The following IL31RA variants were observed in gnomAD, a reference collection of about 807,000 sequenced individuals.
The protein encoded by IL31RA is interleukin 31 receptor A, also known as interleukin-31 receptor subunit alpha.
A neutral mutation model predicts 83.7 loss-of-function variants in IL31RA; 66 were observed. The ratio of observed to expected loss-of-function variants is 0.79; its 90% CI spans 0.65 to 0.97. IL31RA has a LOEUF of 0.97. IL31RA is among the 50% of genes least tolerant of loss of function. The pLI is 0.00. For missense variants in IL31RA, 798 were observed against 919.4 expected (o/e 0.87, Z 1.71); for synonymous variants, 325 against 329.0 (o/e 0.99, Z 0.13).
At chr5:55,853,421 T>C in intron 1 of IL31RA, 1 of 1,476,824 alleles carries the variant, frequency 6.8e-7, no homozygotes, top group Non-Finnish European at 9.0e-7. Context: ...ACAATCAGAG[T>C]GGAAACACTC....
In IL31RA at chr5:55,853,446, G is replaced by C. The variant is rs1199237820; in HGVS notation, c.63+1813G>C. The C allele has an allele frequency of 5.9e-6, 9 of 1,538,366 alleles. No homozygotes were observed. In the Admixed American group the frequency reaches 8.0e-5, roughly 14 times the overall value. The stretch of plus-strand genomic sequence containing the variant: ...TGGAAACACTCCCACATCTTAGTGT[G>C]GATAAATTAAAGTCCAGATTGTTCT... On this transcript the variant is annotated intron_variant, in intron 1 of 14. Transcript: ENST00000652347.
chr5:55,875,779 A>G (rs1405175168), intron 4 of IL31RA, among the ~76,000 whole-genome samples: 1 of 152,194 alleles, frequency 6.6e-6, no homozygotes, highest in Non-Finnish European at 1.5e-5. Context: ...TTTCAACTAG[A>G]TTTAGTATCT....
chr5:55,914,654 G>A (rs1247505360), intron 13 of IL31RA, among the ~76,000 whole-genome samples, 193 bp from the exon 14 acceptor site: 1 of 152,096 alleles, frequency 6.6e-6, no homozygotes, highest in Non-Finnish European at 1.5e-5. Context: ...ATCCCACAGA[G>A]AACTTGCAAT....
At chr5:55,850,816 C>T (rs1011674007), upstream of IL31RA, among the ~76,000 whole-genome samples, 10 of 152,202 alleles carry the variant, frequency 6.6e-5, 1 homozygote, top group Admixed American at 1.3e-4. Context: ...TACTGCTGAG[C>T]GTGGTGGCTC....
In IL31RA at chr5:55,883,089, G is replaced by A. The variant is rs369542944; in HGVS notation, c.500G>A (p.Gly167Asp). 2 of 1,613,956 alleles carry A rather than the reference G, an allele frequency of 1.2e-6. No individual in the cohort carries two copies. The highest frequency in any genetic ancestry group is 1.7e-6 in the Non-Finnish European group (2 of 1,179,912). Residue 167 changes from glycine to aspartate, a missense_variant, in exon 5 of 15, where the codon GGC becomes GAC. Gly to Asp is a moderately conservative substitution (Grantham distance 94, BLOSUM62 -1). Coordinates refer to ENST00000652347, the MANE Select transcript of IL31RA (RefSeq NM_139017.7). ...ATTTTCCGTGTGAAACCAGTTTTGG[G>A]CATCAAACGAATGATTCAAATTGAA... ...PKIFRVKPVL[G>D]IKRMIQIEWI...
chr5:55,915,936 T>C (rs1306717894), intron 14 of IL31RA, among the ~76,000 whole-genome samples: 1 of 152,228 alleles, frequency 6.6e-6, no homozygotes, highest in Non-Finnish European at 1.5e-5. Flanking sequence ...ATGAGGCCAC[T>C]TCTGATTTTC....
At chr5:55,859,485 A>G in intron 1 of IL31RA, 24 bp from the exon 2 acceptor site, 1 of 1,571,556 alleles carries the variant, frequency 6.4e-7, no homozygotes, top group Non-Finnish European at 8.8e-7. Context: ...AAGCAAACCA[A>G]CTCTTGACTG....
intron 4 of IL31RA, 45 bp downstream of exon 4, chr5:55,872,496 A>ACGT (rs758808058): frequency 1.7e-6 from 2 of 1,193,882 alleles, no homozygotes; most frequent in South Asian, 2.6e-5. Context: ...TTAAATGTTT[A>ACGT]CCTCCTTCTC....
At chr5:55,891,634 C>T (rs1048848379) in intron 6 of IL31RA, among the ~76,000 whole-genome samples, 1 of 152,098 alleles carries the variant, frequency 6.6e-6, no homozygotes, top group Non-Finnish European at 1.5e-5. Context: ...CTTTTGTGAT[C>T]ACAGTTAGGA....
In IL31RA at chr5:55,867,239, GTGTGTT is replaced by G. The variant is rs1337323701; in HGVS notation, c.155-1546_155-1541del. On this transcript the variant is annotated intron_variant, in intron 2 of 14. Coordinates refer to ENST00000652347, the MANE Select transcript of IL31RA (RefSeq NM_139017.7). ...TGTGTGTTTGTGTGTGTGTTTGTGT[GTGTGTT>G]TGTGTGTGCGTGTGTTTGTGTGCGT... Among the ~76,000 whole-genome samples, 25 of 115,860 alleles carry G rather than the reference GTGTGTT, an allele frequency of 2.2e-4. 1 individual carries two copies. The highest frequency in any genetic ancestry group is 8.3e-4 in the African/African-American group (21 of 25,340). 76.0% of individuals were successfully genotyped at this position (115,860 alleles called of 152,430 possible).
intron 3 of IL31RA, among the ~76,000 whole-genome samples, chr5:55,869,355 A>G (rs545927055): frequency 1.3e-5 from 2 of 152,250 alleles, no homozygotes; most frequent in Middle Eastern, 3.4e-3. Context: ...ATGATTCCCC[A>G]ATTTTTTTTA....
At chr5:55,883,657 T>G (rs554993872) in intron 5 of IL31RA, among the ~76,000 whole-genome samples, 40 of 152,224 alleles carry the variant, frequency 2.6e-4, no homozygotes, top group Non-Finnish European at 5.0e-4. Flanking sequence ...TTCTCCAGGA[T>G]GCCAGAGCCC....
Position 55,918,140 on chromosome 5 carries a change from A to G in IL31RA, c.*1020A>G, listed in dbSNP as rs1217389857. 2.0e-5 allele frequency among the ~76,000 whole-genome samples: 3 copies of G among 152,176 alleles called. No homozygotes were observed. The highest frequency in any genetic ancestry group is 7.2e-5 in the African/African-American group (3 of 41,454). On this transcript the variant is annotated 3_prime_UTR_variant, in exon 15 of 15. Transcript: ENST00000652347. The stretch of plus-strand genomic sequence containing the variant: ...GTGGATTGCTGGCTTCAGCACTGAG[A>G]TAGTACTGGGCTCCTCCTGTAACTA...
At position 55,899,980 on chromosome 5, in the gene IL31RA, GC is replaced by G. The variant is rs746084009; in HGVS notation, c.918del (p.Ser306ArgfsTer9). On this transcript the variant is annotated frameshift_variant, in exon 8 of 15. Coordinates refer to ENST00000652347, the MANE Select transcript of IL31RA (RefSeq NM_139017.7). LOFTEE classifies it high-confidence loss of function. ...TACAACATATGGTACTATCCAGAAA[GC>G]AACACTAACCTCACAGAAACAATGA... ...LGYNIWYYPE[S>X]NTNLTETMNT... 2.2e-5 allele frequency: 35 copies of G among 1,614,028 alleles called. No homozygotes were observed. Among genetic ancestry groups the G allele is most frequent in the Non-Finnish European group, 3.0e-5 (35 of 1,180,010 alleles).
chr5:55,917,261 A>G lies in IL31RA; in HGVS notation c.*141A>G. 1 of 1,572,178 alleles carries G rather than the reference A, an allele frequency of 6.4e-7. No homozygotes were observed. Among genetic ancestry groups the G allele is most frequent in the East Asian group, 2.3e-5 (1 of 44,226 alleles). ...AGTTTCCCCTGCCCCTTGAGCTGCC[A>G]GTTGAACTTGGTCGGCAAAGATGCG... On this transcript the variant is annotated 3_prime_UTR_variant, in exon 15 of 15. Coordinates refer to ENST00000652347, the MANE Select transcript of IL31RA (RefSeq NM_139017.7).
Position 55,896,519 on chromosome 5 carries a change from C to T in IL31RA, c.852+90C>T. 5.1e-6 allele frequency: 4 copies of T among 790,754 alleles called. No homozygotes were observed. In the East Asian group the frequency reaches 8.0e-5, roughly 16 times the overall value. The allele number at this position is 790,754 out of a possible 1,614,324, so 49.0% of individuals were successfully genotyped here. On this transcript the variant is annotated intron_variant, in intron 7 of 14. Transcript: ENST00000652347. ...TCCCTTCCCTCCCTTCCATCCCTTC[C>T]ATCCTCCTTCCCTTCCCTTCCCTTC... is the stretch of plus-strand genomic sequence containing the variant.
chr5:55,907,272 T>C (rs1580737121), intron 9 of IL31RA, 87 bp from the exon 10 acceptor site: 1 of 779,070 alleles, frequency 1.3e-6, no homozygotes, highest in Non-Finnish European at 2.3e-6. Flanking sequence ...ATATCTTCTA[T>C]AAGTGTTTGG....
intron 1 of IL31RA, among the ~76,000 whole-genome samples, 161 bp downstream of exon 1, chr5:55,851,794 A>G (rs1487693793): frequency 6.6e-6 from 1 of 152,166 alleles, no homozygotes; most frequent in Non-Finnish European, 1.5e-5. Context: ...ATTGTTGGCA[A>G]CCTTATTAGG....
rs1451307525 is a variant in IL31RA, at chr5:55,908,124, G to C, written c.1355-141G>C. ...AGAAAACAATTTTCCCAAACAAGCT[G>C]ATTCATCAATTCCCTACTCAACCCT... On this transcript the variant is annotated intron_variant, in intron 10 of 14. Transcript: ENST00000652347. The C allele has an allele frequency of 3.5e-6, 4 of 1,157,894 alleles. No individual in the cohort carries two copies. In the South Asian group the frequency reaches 4.0e-5, roughly 12 times the overall value. 71.7% of individuals were successfully genotyped at this position (1,157,894 alleles called of 1,614,324 possible). A position where few individuals can be genotyped will look rare whatever the true frequency, so the allele number is the denominator to read the frequency against.
Sources: gnomAD v4.1 joint callset for allele counts (sites outside exome capture counted in the v4.1 genomes callset) on GRCh38, gnomAD v4.1.1 for gene constraint, MANE v1.5 for transcripts, NCBI Gene and HGNC (gene_info 2026-07-23, HGNC 2026-07-21) for gene names.